The following EFCAB6 variants were observed in gnomAD, a reference collection of about 807,000 sequenced individuals.
The protein encoded by EFCAB6 is EF-hand calcium binding domain 6.
Under a neutral mutation model 169.8 loss-of-function variants are expected in EFCAB6, and 156 were observed. The observed-to-expected ratio is 0.92, with a 90% CI of 0.81 to 1.05. The LOEUF is 1.05. EFCAB6 is among the 50% of genes least tolerant of loss of function. The pLI, the probability that EFCAB6 is intolerant of heterozygous loss-of-function variation, is 0.00. For synonymous variants in EFCAB6, 698 were observed against 676.4 expected, an observed-to-expected ratio of 1.03 and a Z score of -0.50; for missense variants, 1,800 against 1,829.1, an observed-to-expected ratio of 0.98 and a Z score of 0.29.
At chr22:43,530,538 C>A in intron 31 of EFCAB6, 1 of 985,380 alleles carries the variant, frequency 1.0e-6, no homozygotes, top group Non-Finnish European at 1.2e-6. Context: ...CCTTAAGGAA[C>A]CTGGGCTCAG....
chr22:43,617,644 C>T (rs78076034), intron 20 of EFCAB6, among the ~76,000 whole-genome samples: 1 of 152,112 alleles, frequency 6.6e-6, no homozygotes, highest in African/African-American at 2.4e-5. Context: ...TCAGTCAGAT[C>T]CAGCCTTCCT....
At chr22:43,791,186 C>G (rs938682514) in intron 2 of EFCAB6, among the ~76,000 whole-genome samples, 1 of 151,866 alleles carries the variant, frequency 6.6e-6, no homozygotes, top group African/African-American at 2.4e-5. Flanking sequence ...CCAGCCTGGG[C>G]GATATGGCAA....
chr22:43,626,464 C>A lies in EFCAB6; in HGVS notation c.2448G>T (p.Ala816=), dbSNP rs201308046. 7 of 1,614,118 alleles carry A rather than the reference C, an allele frequency of 4.3e-6. No homozygotes were observed. The highest frequency in any genetic ancestry group is 5.1e-6 in the Non-Finnish European group (6 of 1,180,018). ...CTTCTTACCTAATGAGTCTTTGAGG[C>A]GCTTCATCTGTTCTCCATGGTCTCT... ...CEKRPWRTDE[A]PQRLIRPKQK... The change falls in exon 20 of 32, where the codon GCG becomes GCT. Residue 816 remains alanine (A), a synonymous_variant. Coordinates refer to ENST00000262726, the MANE Select transcript of EFCAB6 (RefSeq NM_022785.4).
At chr22:43,711,660 A>AT (rs750293845) in intron 9 of EFCAB6, 37 bp from the exon 10 acceptor site, 2 of 1,564,960 alleles carry the variant, frequency 1.3e-6, no homozygotes, top group Non-Finnish European at 1.7e-6. Context: ...GCGTTCATAA[A>AT]TATCAACTTC....
At chr22:43,593,013 G>C (rs1260868205) in intron 23 of EFCAB6, among the ~76,000 whole-genome samples, 10 of 151,758 alleles carry the variant, frequency 6.6e-5, no homozygotes, top group Non-Finnish European at 1.2e-4. Context: ...CACTTTAATG[G>C]AACATGACTC....
chr22:43,662,699 TA>T (rs2057064038), intron 17 of EFCAB6, among the ~76,000 whole-genome samples: 1 of 152,204 alleles, frequency 6.6e-6, no homozygotes. Flanking sequence ...TCCTTCTCAC[TA>T]AACTCTGAGG....
Position 43,784,310 on chromosome 22 carries a change from A to C in EFCAB6, c.-7-1985T>G, listed in dbSNP as rs115573009. On this transcript the variant is annotated intron_variant, in intron 2 of 31. Transcript: ENST00000262726. ...CCCTGAGCAAACAAAAATTGAGAGA[A>C]TGTGTTGCCAGCAGACTTACTTCCA... is the stretch of plus-strand genomic sequence containing the variant. Among the ~76,000 whole-genome samples, 1,280 of 151,864 alleles carry C rather than the reference A, an allele frequency of 8.4e-3. 26 individuals carry two copies. Among genetic ancestry groups the C allele is most frequent in the African/African-American group, 0.029 (1,214 of 41,422 alleles).
At chr22:43,757,434 C>T (rs951297080) in intron 5 of EFCAB6, among the ~76,000 whole-genome samples, 2 of 152,074 alleles carry the variant, frequency 1.3e-5, no homozygotes, top group Non-Finnish European at 2.9e-5. Flanking sequence ...GTAATCCCAA[C>T]TACTTAGGAG....
chr22:43,623,789 G>A (rs541712442), intron 20 of EFCAB6, among the ~76,000 whole-genome samples: 59 of 150,028 alleles, frequency 3.9e-4, no homozygotes, highest in Non-Finnish European at 4.3e-4. Context: ...GGCGCCTGTA[G>A]TCCCAGCTAC....
chr22:43,812,112 G>A (rs1454618203), intron 1 of EFCAB6, 56 bp downstream of exon 1: 1 of 147,310 alleles, frequency 6.8e-6, no homozygotes, highest in Non-Finnish European at 1.5e-5. Flanking sequence ...CTGCCCGCCC[G>A]CCCGGCCCCT....
chr22:43,540,100 G>A, intron 28 of EFCAB6, 27 bp downstream of exon 28: 3 of 1,611,566 alleles, frequency 1.9e-6, no homozygotes, highest in South Asian at 2.2e-5. Context: ...AGGAGGCCTG[G>A]GACACCTGGC....
At chr22:43,562,843 CGGTGGGGGATGGG>C (rs2049155726) in intron 26 of EFCAB6, among the ~76,000 whole-genome samples, 1 of 78,964 alleles carries the variant, frequency 1.3e-5, no homozygotes, top group African/African-American at 5.1e-5. Context: ...GGAGGCAGCC[CGGTGGGGGATGGG>C]AGGGAGGCAG....
chr22:43,784,574 C>CACATATATATGTAT (rs1569487338), intron 2 of EFCAB6, among the ~76,000 whole-genome samples: 9 of 54,782 alleles, frequency 1.6e-4, no homozygotes, highest in South Asian at 7.7e-4. Flanking sequence ...TATATGTGTA[C>CACATATATATGTAT]ATATACACAT....
chr22:43,760,793 G>C (rs2061136955), intron 5 of EFCAB6, among the ~76,000 whole-genome samples: 2 of 152,086 alleles, frequency 1.3e-5, no homozygotes, highest in Non-Finnish European at 2.9e-5. Flanking sequence ...CAAGCAAGTA[G>C]CTAGGACCAC....
At chr22:43,785,625 C>A (rs939568525) in intron 2 of EFCAB6, among the ~76,000 whole-genome samples, 11 of 151,710 alleles carry the variant, frequency 7.3e-5, no homozygotes, top group African/African-American at 2.7e-4. Flanking sequence ...TAAACTAAAG[C>A]CAAAGTTAGT....
At chr22:43,735,529 TG>T (rs566796010) in intron 7 of EFCAB6, among the ~76,000 whole-genome samples, 2 of 79,686 alleles carry the variant, frequency 2.5e-5, no homozygotes, top group African/African-American at 9.6e-5. Context: ...ATATGTGGGA[TG>T]GGGGGGCGGG....
intron 5 of EFCAB6, among the ~76,000 whole-genome samples, chr22:43,760,354 G>A (rs2061120203): frequency 6.6e-6 from 1 of 152,178 alleles, no homozygotes; most frequent in South Asian, 2.1e-4. Context: ...AGAGGTTGGT[G>A]TCAGTCTAAC....
intron 31 of EFCAB6, among the ~76,000 whole-genome samples, chr22:43,529,178 T>C (rs1662423807): frequency 6.6e-6 from 1 of 152,196 alleles, no homozygotes; most frequent in Non-Finnish European, 1.5e-5. Context: ...CCTGTGTGCA[T>C]CTGGGTGTGA....
At chr22:43,759,020 C>T (rs1293481220) in intron 5 of EFCAB6, among the ~76,000 whole-genome samples, 3 of 152,154 alleles carry the variant, frequency 2.0e-5, no homozygotes, top group African/African-American at 4.8e-5. Flanking sequence ...GTCAGGAGTT[C>T]GACACCAGCC....
Sources: gnomAD v4.1 joint callset for allele counts (sites outside exome capture counted in the v4.1 genomes callset) on GRCh38, gnomAD v4.1.1 for gene constraint, MANE v1.5 for transcripts, NCBI Gene and HGNC (gene_info 2026-07-23, HGNC 2026-07-21) for gene names.